PCGF3: variants seen among roughly 807,000 people sequenced by gnomAD.
PCGF3 encodes the protein polycomb group ring finger 3.
In PCGF3, 7 loss-of-function variants were observed where a neutral mutation model predicts 33.1. The observed-to-expected ratio is 0.21, with a 90% confidence interval of 0.12 to 0.40. PCGF3 has a LOEUF of 0.40. Ranked by LOEUF, PCGF3 falls within the 10% of genes least tolerant of loss-of-function variation. The pLI, the probability that PCGF3 is intolerant of heterozygous loss-of-function variation, is 1.00. For missense variants in PCGF3, 211 were observed against 313.3 expected (o/e 0.67, Z 2.46); for synonymous variants, 153 against 121.3 (o/e 1.26, Z -1.72).
intron 1 of PCGF3, among the ~76,000 whole-genome samples, chr4:728,218 G>A (rs921105354): frequency 8.5e-5 from 13 of 152,232 alleles, no homozygotes; most frequent in African/African-American, 2.9e-4. Flanking sequence ...GATTGAAAAT[G>A]TTTGGGAACC....
intron 5 of PCGF3, 43 bp from the exon 6 acceptor site, chr4:737,423 A>G: frequency 7.7e-7 from 1 of 1,296,172 alleles, no homozygotes. Flanking sequence ...GAATTATAGA[A>G]TTAACATTTC....
At chr4:767,972 G>A (rs1745453391) in exon 11 of PCGF3, 2 of 152,604 alleles carry the variant, frequency 1.3e-5, no homozygotes, top group Admixed American at 6.5e-5. Flanking sequence ...GAATAAGAAA[G>A]GATTAAACAG....
At position 711,426 on chromosome 4, in the gene PCGF3, T is replaced by A. The variant is rs1294085983; in HGVS notation, c.-190+5456T>A. Among the ~76,000 whole-genome samples, 4 of 151,894 alleles carry A rather than the reference T, an allele frequency of 2.6e-5. No homozygotes were observed. The East Asian group carries it at 7.7e-4, about 29-fold the overall frequency. On this transcript the variant is annotated intron_variant, in intron 1 of 10. Transcript: ENST00000362003. ...TTTTGGTTAATGGTTAGAATTGAAG[T>A]TGAAAATGTAATTTTTCTTTTTTTT...
At chr4:717,074 C>T (rs1409392332) in intron 1 of PCGF3, among the ~76,000 whole-genome samples, 3 of 132,714 alleles carry the variant, frequency 2.3e-5, no homozygotes, top group Non-Finnish European at 4.8e-5. Context: ...ACCCTGTAGA[C>T]ACTGAGTGTG....
intron 1 of PCGF3, among the ~76,000 whole-genome samples, chr4:729,769 G>A (rs1245456792): frequency 6.6e-6 from 1 of 152,244 alleles, no homozygotes; most frequent in East Asian, 1.9e-4. Flanking sequence ...AACCGGAAGA[G>A]TAGAAATGAT....
intron 1 of PCGF3, among the ~76,000 whole-genome samples, chr4:727,532 G>A (rs1743382812): frequency 6.6e-6 from 1 of 152,004 alleles, no homozygotes; most frequent in Non-Finnish European, 1.5e-5. Context: ...GAGCCACTAT[G>A]CTTGGCTGAG....
intron 5 of PCGF3, among the ~76,000 whole-genome samples, chr4:736,770 G>T (rs1743854045): frequency 1.3e-5 from 2 of 150,916 alleles, no homozygotes; most frequent in African/African-American, 4.9e-5. Flanking sequence ...CAGGGACGGT[G>T]TCCCCTGAGC....
At chr4:758,637 T>C (rs1744899395) in intron 8 of PCGF3, among the ~76,000 whole-genome samples, 1 of 110,068 alleles carries the variant, frequency 9.1e-6, no homozygotes, top group Non-Finnish European at 1.9e-5. Context: ...GCGCGGCCCC[T>C]CTCCCGAGTT....
At chr4:767,934 T>C (rs539406149) in exon 11 of PCGF3, 12 of 152,824 alleles carry the variant, frequency 7.9e-5, no homozygotes, top group African/African-American at 1.9e-4. Flanking sequence ...AGTGTAACGT[T>C]AGAACTTAGG....
chr4:738,551 C>CT (rs1206180457), intron 6 of PCGF3, among the ~76,000 whole-genome samples: 2 of 151,762 alleles, frequency 1.3e-5, no homozygotes, highest in Non-Finnish European at 1.5e-5. Context: ...AGTGCTGACA[C>CT]TTTAAGAAAC....
At chr4:725,685 GC>G (rs1743302112) in intron 1 of PCGF3, among the ~76,000 whole-genome samples, 1 of 151,158 alleles carries the variant, frequency 6.6e-6, no homozygotes, top group African/African-American at 2.4e-5. Context: ...CTGCGCTGTG[GC>G]TGTGTGGGCT....
intron 10 of PCGF3, 63 bp downstream of exon 10, chr4:765,127 C>CT (rs1577451988): frequency 1.7e-6 from 2 of 1,169,566 alleles, no homozygotes; most frequent in East Asian, 4.7e-5. Context: ...CTGTGCATCT[C>CT]TTATCTAAAA....
At chr4:757,737 A>G (rs1414051873) in intron 8 of PCGF3, 6 of 151,926 alleles carry the variant, frequency 3.9e-5, no homozygotes, top group Admixed American at 2.0e-4. Context: ...TTTTTTCCTA[A>G]TGCTTCCTTC....
At chr4:715,147 AC>A (rs1742755796) in intron 1 of PCGF3, among the ~76,000 whole-genome samples, 1 of 138,238 alleles carries the variant, frequency 7.2e-6, no homozygotes, top group Non-Finnish European at 1.5e-5. Context: ...CCCTGTAGAC[AC>A]TGAGTGTGAG....
intron 1 of PCGF3, among the ~76,000 whole-genome samples, chr4:714,492 CTTCACGGCGT>C (rs1397146101): frequency 6.6e-6 from 1 of 152,232 alleles, no homozygotes; most frequent in African/African-American, 2.4e-5. Context: ...GTGGCACCTA[CTTCACGGCGT>C]TACCTGATTT....
Position 731,525 on chromosome 4 carries a change from C to T in PCGF3, c.-10+415C>T, listed in dbSNP as rs1407504270. 2.0e-5 allele frequency among the ~76,000 whole-genome samples: 3 copies of T among 149,200 alleles called. No individual in the cohort carries two copies. The East Asian group carries it at 6.1e-4, about 30-fold the overall frequency. ...GGTGCTCTGTCCCCTCGTGGGTGGG[C>T]GTGGCCCTCAGGGGTGTAGGGCGGG... On this transcript the variant is annotated intron_variant, in intron 3 of 10. Coordinates refer to ENST00000362003, the Ensembl canonical transcript of PCGF3.
Position 761,195 on chromosome 4 carries a change from A to G in PCGF3, c.463-84A>G, listed in dbSNP as rs943651778. On this transcript the variant is annotated intron_variant, in intron 8 of 10. Transcript: ENST00000362003. ...AAGGTCAGCAGTCCTAGATTGAGGA[A>G]TTAGTGAAATATGTCTAAGGAAGCC... 5.3e-5 allele frequency: 62 copies of G among 1,168,858 alleles called. 3 individuals carry two copies. The South Asian group carries it at 1.1e-3, about 20-fold the overall frequency. 72.4% of individuals were successfully genotyped at this position (1,168,858 alleles called of 1,614,324 possible). A position where few individuals can be genotyped will look rare whatever the true frequency, so the allele number is the denominator to read the frequency against.
intron 10 of PCGF3, 23 bp downstream of exon 10, chr4:765,087 C>T (rs1560221912): frequency 1.3e-6 from 2 of 1,537,226 alleles, no homozygotes; most frequent in Non-Finnish European, 9.0e-7. Flanking sequence ...ATTTGATTTT[C>T]AGAGTCTGCT....
intron 9 of PCGF3, 34 bp downstream of exon 9, chr4:761,450 A>AG: frequency 1.9e-6 from 3 of 1,539,754 alleles, no homozygotes; most frequent in Middle Eastern, 1.7e-4. Context: ...AACCATAACA[A>AG]GTCCTCTCTT....
Sources: allele counts gnomAD v4.1 joint callset (sites outside exome capture counted in the v4.1 genomes callset), GRCh38; gene constraint gnomAD v4.1.1; transcripts MANE v1.5; gene names NCBI Gene and HGNC (gene_info 2026-07-23, HGNC 2026-07-21).